Variants in APLF observed in about 807,000 individuals in gnomAD.
The protein encoded by APLF is aprataxin and PNK-like factor.
In APLF, 61 loss-of-function variants were observed where a neutral mutation model predicts 55.6. The observed-to-expected ratio is 1.10, with a 90% confidence interval of 0.89 to 1.36. The LOEUF is 1.36. Among genes scored for constraint, APLF ranks in the 40% most tolerant of loss-of-function variants. The probability of loss-of-function intolerance (pLI) is 0.00; values close to 1 mark genes in which losing one functional copy is unlikely to be tolerated. For synonymous variants in APLF, 207 were observed against 214.8 expected, an observed-to-expected ratio of 0.96 and a Z score of 0.32; for missense variants, 611 against 602.5, an observed-to-expected ratio of 1.01 and a Z score of -0.15.
At chr2:68,554,148 G>T (rs1670944001) in intron 8 of APLF, among the ~76,000 whole-genome samples, 1 of 151,904 alleles carries the variant, frequency 6.6e-6, no homozygotes, top group Non-Finnish European at 1.5e-5. Context: ...ACGTATATGG[G>T]TATATATTTC....
chr2:68,482,188 T>C (rs544938677), intron 1 of APLF, among the ~76,000 whole-genome samples: 46 of 152,230 alleles, frequency 3.0e-4, no homozygotes, highest in Non-Finnish European at 6.2e-4. Flanking sequence ...TATATTGATA[T>C]CTGCTCATCT....
chr2:68,578,668 G>C lies in APLF; in HGVS notation c.*646G>C, dbSNP rs1163998706. ...TTGTGTTCCACATCTGCAATTTACTGTATGTTTGAATTTAAAAGTAAAAAA... is the reference window on the plus strand; with the variant it reads ...TTGTGTTCCACATCTGCAATTTACTCTATGTTTGAATTTAAAAGTAAAAAA... On this transcript the variant is annotated 3_prime_UTR_variant, in exon 10 of 10. Coordinates refer to ENST00000303795, the MANE Select transcript of APLF (RefSeq NM_173545.3). 1.0e-6 allele frequency: 1 copy of C among 985,084 alleles called. No homozygotes were observed. The highest frequency in any genetic ancestry group is 1.2e-6 in the Non-Finnish European group (1 of 829,848). The allele number at this position is 985,084 out of a possible 1,614,324, so 61.0% of individuals were successfully genotyped here. A position where few individuals can be genotyped will look rare whatever the true frequency, so the allele number is the denominator to read the frequency against.
intron 8 of APLF, among the ~76,000 whole-genome samples, chr2:68,562,790 G>T (rs1671204435): frequency 6.6e-6 from 1 of 151,980 alleles, no homozygotes. Flanking sequence ...GATTATGAAG[G>T]ACCTTGAAGG....
intron 8 of APLF, among the ~76,000 whole-genome samples, chr2:68,552,927 C>G (rs1007116067): frequency 7.2e-5 from 11 of 152,040 alleles, no homozygotes; most frequent in African/African-American, 2.7e-4. Flanking sequence ...ATTTTTTTCT[C>G]TTGTTAATTT....
chr2:68,541,353 G>C (rs1439185248), intron 7 of APLF, among the ~76,000 whole-genome samples: 1 of 151,964 alleles, frequency 6.6e-6, no homozygotes, highest in Non-Finnish European at 1.5e-5. Flanking sequence ...AGGGTGAAAA[G>C]GCAAGGCACA....
intron 9 of APLF, among the ~76,000 whole-genome samples, chr2:68,574,778 G>A (rs1199116638): frequency 6.6e-6 from 1 of 152,202 alleles, no homozygotes; most frequent in Admixed American, 6.5e-5. Context: ...AGGGTTCACT[G>A]AGGCTTCATT....
At chr2:68,477,663 A>T (rs991787277) in intron 1 of APLF, among the ~76,000 whole-genome samples, 6 of 152,140 alleles carry the variant, frequency 3.9e-5, no homozygotes, top group Non-Finnish European at 7.4e-5. Context: ...TCACACTGCT[A>T]ATAAAGACAT....
At position 68,467,770 on chromosome 2, in the gene APLF, T is replaced by G; in HGVS notation, c.39T>G (p.Gly13=). The change falls in exon 1 of 10, where the codon GGT becomes GGG. Residue 13 remains glycine (G), a synonymous_variant. Transcript: ENST00000303795. ...GGFELQPRDG[G]PRVALAPGET... is the part of the protein sequence containing the mutation. ...TCGAGCTGCAGCCGCGGGACGGCGG[T>G]CCCCGGGTGGCCCTGGCGCCCGGGG... is the stretch of plus-strand genomic sequence containing the variant. 1 of 1,234,300 alleles carries G rather than the reference T, an allele frequency of 8.1e-7. No homozygotes were observed. 76.5% of individuals were successfully genotyped at this position (1,234,300 alleles called of 1,614,324 possible).
At chr2:68,568,667 A>T (rs897264189) in intron 9 of APLF, among the ~76,000 whole-genome samples, 2 of 152,156 alleles carry the variant, frequency 1.3e-5, no homozygotes, top group African/African-American at 4.8e-5. Context: ...ACTTTATAGA[A>T]ATAGGAAATA....
chr2:68,578,132 T>A lies in APLF; in HGVS notation c.*110T>A, dbSNP rs1280122048. 4 of 1,451,718 alleles carry A rather than the reference T, an allele frequency of 2.8e-6. No individual in the cohort carries two copies. Among genetic ancestry groups the A allele is most frequent in the Non-Finnish European group, 3.6e-6 (4 of 1,107,020 alleles). The allele number at this position is 1,451,718 out of a possible 1,614,324, so 89.9% of individuals were successfully genotyped here. A position where few individuals can be genotyped will look rare whatever the true frequency, so the allele number is the denominator to read the frequency against. On this transcript the variant is annotated 3_prime_UTR_variant, in exon 10 of 10. Coordinates refer to ENST00000303795, the MANE Select transcript of APLF (RefSeq NM_173545.3). ...ACAGTTATTTTCCTTCTTTTGATAG[T>A]TAATGACTTTTACTACTGACTCTTT...
At chr2:68,527,930 C>T (rs989106120) in intron 6 of APLF, among the ~76,000 whole-genome samples, 1 of 150,410 alleles carries the variant, frequency 6.6e-6, no homozygotes, top group Non-Finnish European at 1.5e-5. Flanking sequence ...TCCTCACTGC[C>T]CAGACGGGGC....
At chr2:68,566,282 C>T (rs913617133) in intron 8 of APLF, among the ~76,000 whole-genome samples, 1 of 152,036 alleles carries the variant, frequency 6.6e-6, no homozygotes, top group Admixed American at 6.6e-5. Flanking sequence ...GACTTAGTTC[C>T]TGTGCCCTAA....
At chr2:68,494,086 T>A (rs1294440526) in intron 2 of APLF, among the ~76,000 whole-genome samples, 2 of 145,542 alleles carry the variant, frequency 1.4e-5, no homozygotes, top group Non-Finnish European at 1.5e-5. Context: ...CTAGCCTGGG[T>A]GACAGAGTGA....
At chr2:68,563,877 G>C (rs1374299701) in intron 8 of APLF, among the ~76,000 whole-genome samples, 5 of 151,968 alleles carry the variant, frequency 3.3e-5, no homozygotes, top group Non-Finnish European at 5.9e-5. Flanking sequence ...ATTATAGATA[G>C]ATAATAACAG....
chr2:68,473,564 T>C (rs1259413657), intron 1 of APLF, among the ~76,000 whole-genome samples: 1 of 152,168 alleles, frequency 6.6e-6, no homozygotes, highest in East Asian at 1.9e-4. Context: ...ATAGTAATAG[T>C]ATGTTTAGTG....
chr2:68,474,397 A>T (rs983493855), intron 1 of APLF, among the ~76,000 whole-genome samples: 2 of 152,144 alleles, frequency 1.3e-5, no homozygotes, highest in Admixed American at 1.3e-4. Flanking sequence ...ACTAGCTCCC[A>T]CCCTGAAGCT....
intron 9 of APLF, among the ~76,000 whole-genome samples, chr2:68,577,259 A>G (rs1671651696): frequency 6.6e-6 from 1 of 152,144 alleles, no homozygotes; most frequent in Non-Finnish European, 1.5e-5. Flanking sequence ...ATTTAAGTGT[A>G]TTTCTCCTTA....
At chr2:68,574,509 A>C (rs1347783486) in intron 9 of APLF, among the ~76,000 whole-genome samples, 1 of 152,172 alleles carries the variant, frequency 6.6e-6, no homozygotes, top group Non-Finnish European at 1.5e-5. Context: ...AAGTGTTTTC[A>C]CTTAAAGTAT....
At chr2:68,500,943 C>T (rs978325572) in intron 2 of APLF, among the ~76,000 whole-genome samples, 11 of 152,176 alleles carry the variant, frequency 7.2e-5, no homozygotes, top group Non-Finnish European at 1.5e-4. Context: ...TGGCTGTTAG[C>T]ATGGTGAAAG....
Sources: allele counts gnomAD v4.1 joint callset (sites outside exome capture counted in the v4.1 genomes callset), GRCh38; gene constraint gnomAD v4.1.1; transcripts MANE v1.5; gene names NCBI Gene and HGNC (gene_info 2026-07-23, HGNC 2026-07-21).